The following WWOX variants were observed in gnomAD, a reference collection of about 807,000 sequenced individuals.
WWOX encodes WW domain-containing oxidoreductase.
In WWOX, 69 loss-of-function variants were observed where a neutral mutation model predicts 46.2. The observed-to-expected ratio is 1.49, with a 90% CI of 1.23 to 1.82. The LOEUF is 1.82. Ranked by LOEUF, WWOX falls within the 40% of genes most tolerant of loss-of-function variation. The probability of loss-of-function intolerance (pLI) is 0.00; values close to 1 mark genes in which losing one functional copy is unlikely to be tolerated. For synonymous variants in WWOX, 359 were observed against 202.6 expected (o/e 1.77, Z -6.56); for missense variants, 919 against 542.6 (o/e 1.69, Z -6.89).
chr16:78,530,985 C>T (rs77843292), intron 8 of WWOX, among the ~76,000 whole-genome samples: 2,944 of 152,272 alleles, frequency 0.019, 29 homozygotes, highest in Non-Finnish European at 0.028. Context: ...TATTACTCTG[C>T]AAATATGGAA....
chr16:79,174,256 G>C (rs2050756893), intron 8 of WWOX, among the ~76,000 whole-genome samples: 1 of 152,182 alleles, frequency 6.6e-6, no homozygotes, highest in African/African-American at 2.4e-5. Flanking sequence ...CTTTGTTTCT[G>C]TTTCCTTACC....
intron 8 of WWOX, among the ~76,000 whole-genome samples, chr16:78,869,556 C>T (rs1165756115): frequency 2.0e-5 from 3 of 152,218 alleles, no homozygotes; most frequent in South Asian, 4.1e-4. Flanking sequence ...TCAATTGAAA[C>T]AGCCGATTGA....
At chr16:78,357,841 T>C (rs987948377) in intron 5 of WWOX, among the ~76,000 whole-genome samples, 3 of 152,204 alleles carry the variant, frequency 2.0e-5, no homozygotes, top group Non-Finnish European at 4.4e-5. Context: ...TCACCCAGCA[T>C]CCAAATAGCT....
At chr16:78,487,206 G>GT (rs751716050) in intron 8 of WWOX, among the ~76,000 whole-genome samples, 62 of 151,654 alleles carry the variant, frequency 4.1e-4, no homozygotes, top group Admixed American at 6.6e-4. Flanking sequence ...TTTTTTCTCA[G>GT]TTTTTTTTCC....
At chr16:78,243,452 T>C (rs929641723) in intron 5 of WWOX, among the ~76,000 whole-genome samples, 11 of 152,050 alleles carry the variant, frequency 7.2e-5, no homozygotes, top group Non-Finnish European at 2.9e-5. Flanking sequence ...TACAGATTCT[T>C]TTGTCACCCA....
chr16:78,683,517 C>T (rs895472833), intron 8 of WWOX, among the ~76,000 whole-genome samples: 9 of 151,018 alleles, frequency 6.0e-5, no homozygotes, highest in Non-Finnish European at 1.3e-4. Flanking sequence ...TCCAGCCTGG[C>T]TGACAGAGGG....
intron 8 of WWOX, among the ~76,000 whole-genome samples, chr16:78,954,201 G>T (rs533558854): frequency 6.6e-6 from 1 of 152,130 alleles, no homozygotes; most frequent in South Asian, 2.1e-4. Flanking sequence ...TGGATGGATG[G>T]ATGGTTGGAT....
At chr16:78,610,754 A>G (rs1012861803) in intron 8 of WWOX, among the ~76,000 whole-genome samples, 1 of 152,162 alleles carries the variant, frequency 6.6e-6, no homozygotes, top group Non-Finnish European at 1.5e-5. Context: ...GTCGGGGCTA[A>G]TGGCATGGCT....
chr16:79,133,663 G>C (rs11866029), intron 8 of WWOX, among the ~76,000 whole-genome samples: 43,221 of 152,012 alleles, frequency 0.28, 6,945 homozygotes, highest in African/African-American at 0.43. Context: ...TGTCCTTGCC[G>C]GTGGCCTGCA....
At chr16:78,894,296 G>T (rs1438520910) in intron 8 of WWOX, among the ~76,000 whole-genome samples, 1 of 152,038 alleles carries the variant, frequency 6.6e-6, no homozygotes, top group African/African-American at 2.4e-5. Flanking sequence ...TTGTGTTATT[G>T]GGTTAATGGG....
intron 7 of WWOX, among the ~76,000 whole-genome samples, chr16:78,430,222 C>T (rs552212603): frequency 2.0e-5 from 3 of 152,044 alleles, no homozygotes; most frequent in Non-Finnish European, 4.4e-5. Flanking sequence ...TTATTCACTA[C>T]CATGAGAACA....
chr16:78,992,275 G>C (rs1367287570), intron 8 of WWOX, among the ~76,000 whole-genome samples: 1 of 149,272 alleles, frequency 6.7e-6, no homozygotes, highest in Non-Finnish European at 1.5e-5. Flanking sequence ...TGCCTGTACA[G>C]TGTTCTGCGA....
intron 8 of WWOX, among the ~76,000 whole-genome samples, chr16:78,977,210 C>T (rs1212909483): frequency 1.1e-4 from 17 of 152,192 alleles, no homozygotes; most frequent in Non-Finnish European, 1.5e-5. Flanking sequence ...GGCAAGACTT[C>T]TTCAGACAGG....
intron 5 of WWOX, among the ~76,000 whole-genome samples, chr16:78,303,782 G>C (rs1354704063): frequency 6.6e-6 from 1 of 152,128 alleles, no homozygotes; most frequent in Admixed American, 6.5e-5. Flanking sequence ...GACCTGAGAT[G>C]ATTCACTTGG....
intron 8 of WWOX, among the ~76,000 whole-genome samples, chr16:78,996,822 C>T (rs1312005069): frequency 1.3e-5 from 2 of 152,182 alleles, no homozygotes; most frequent in African/African-American, 4.8e-5. Context: ...GTTTATAGAG[C>T]CATCGCTTGC....
chr16:79,079,866 C>A (rs2048727687), intron 8 of WWOX, among the ~76,000 whole-genome samples: 1 of 152,144 alleles, frequency 6.6e-6, no homozygotes, highest in African/African-American at 2.4e-5. Flanking sequence ...CATAGCTTTG[C>A]CCCATTGCAC....
chr16:78,994,891 A>C (rs761200946), intron 8 of WWOX, among the ~76,000 whole-genome samples: 1 of 151,440 alleles, frequency 6.6e-6, no homozygotes, highest in Non-Finnish European at 1.5e-5. Context: ...GGTGGAAAGA[A>C]ATACTCCCTT....
chr16:78,762,986 C>A (rs577745579), intron 8 of WWOX, among the ~76,000 whole-genome samples: 226 of 152,226 alleles, frequency 1.5e-3, no homozygotes, highest in African/African-American at 5.2e-3. Context: ...GGTGGGGGGA[C>A]CAGATGAGCA....
intron 8 of WWOX, chr16:78,896,732 G>C (rs1210001325): frequency 6.7e-6 from 1 of 149,698 alleles, no homozygotes; most frequent in Non-Finnish European, 1.5e-5. Context: ...AATTGGGCCT[G>C]TGGAATAATT....
Sources: allele counts gnomAD v4.1 joint callset (sites outside exome capture counted in the v4.1 genomes callset), GRCh38; gene constraint gnomAD v4.1.1; transcripts MANE v1.5; gene names NCBI Gene and HGNC (gene_info 2026-07-23, HGNC 2026-07-21).